The following PSMF1 variants were observed in gnomAD, a reference collection of about 807,000 sequenced individuals.
PSMF1 encodes proteasome inhibitor subunit 1, also known as proteasome inhibitor PI31 subunit.
Under a neutral mutation model 29.3 loss-of-function variants are expected in PSMF1, and 30 were observed. That is an observed-to-expected ratio of 1.02 (90% confidence interval 0.77 to 1.39). The LOEUF (loss-of-function observed/expected upper bound fraction) is 1.39. Ranked by LOEUF, PSMF1 falls within the 40% of genes most tolerant of loss-of-function variation. PSMF1 has a pLI of 0.00. For synonymous variants in PSMF1, 134 were observed against 139.7 expected (o/e 0.96, Z 0.29); for missense variants, 344 against 357.5 (o/e 0.96, Z 0.31).
rs1364548879 is a variant in PSMF1 at position 1,170,036 on chromosome 20, G to A, written c.*4956G>A. On this transcript the variant is annotated 3_prime_UTR_variant, in exon 7 of 7. Transcript: ENST00000335877. ...CCCCAATCTAGATCTCAAGGGAACG[G>A]CCTTCAGATCCATTTTTGACAAGTT... 6.6e-6 allele frequency among the ~76,000 whole-genome samples: 1 copy of A among 152,134 alleles called. No homozygotes were observed. The highest frequency in any genetic ancestry group is 2.4e-5 in the African/African-American group (1 of 41,414).
intron 4 of PSMF1, among the ~76,000 whole-genome samples, chr20:1,148,993 CT>C (rs1259204664): frequency 1.3e-5 from 2 of 152,076 alleles, no homozygotes; most frequent in Non-Finnish European, 2.9e-5. Flanking sequence ...TAACAAATTC[CT>C]GTGAAAATAT....
chr20:1,121,066 A>ACACT (rs1373482206), intron 1 of PSMF1, among the ~76,000 whole-genome samples: 1 of 152,188 alleles, frequency 6.6e-6, no homozygotes, highest in African/African-American at 2.4e-5. Flanking sequence ...ACCTTGCCAT[A>ACACT]CACTCAAGGC....
intron 1 of PSMF1, among the ~76,000 whole-genome samples, chr20:1,121,064 A>G (rs984992537): frequency 2.0e-5 from 3 of 152,176 alleles, no homozygotes; most frequent in Non-Finnish European, 4.4e-5. Flanking sequence ...CCACCTTGCC[A>G]TACACTCAAG....
At position 1,165,805 on chromosome 20, in the gene PSMF1, G is replaced by T; in HGVS notation, c.*725G>T. 2 of 1,062,384 alleles carry T rather than the reference G, an allele frequency of 1.9e-6. No homozygotes were observed. The highest frequency in any genetic ancestry group is 1.1e-6 in the Non-Finnish European group (1 of 875,580). 65.8% of individuals were successfully genotyped at this position (1,062,384 alleles called of 1,614,324 possible). A position where few individuals can be genotyped will look rare whatever the true frequency, so the allele number is the denominator to read the frequency against. On this transcript the variant is annotated 3_prime_UTR_variant, in exon 7 of 7. Coordinates refer to ENST00000335877, the MANE Select transcript of PSMF1 (RefSeq NM_006814.5). ...GGGCCAGTTTTGTAGGTCCATCTGT[G>T]CATGGGCAGCAGTAGTCAAAAAGCC...
At chr20:1,113,440 G>A (rs564704458) in intron 1 of PSMF1, 2 of 73,772 alleles carry the variant, frequency 2.7e-5, no homozygotes, top group African/African-American at 9.8e-5. Flanking sequence ...GGATGGATCA[G>A]GGGCAACACA....
intron 4 of PSMF1, among the ~76,000 whole-genome samples, chr20:1,148,168 T>C (rs2086479722): frequency 1.3e-5 from 2 of 152,178 alleles, no homozygotes; most frequent in Admixed American, 6.5e-5. Flanking sequence ...GTCAAAAGAT[T>C]CTGGGTCTGC....
intron 4 of PSMF1, among the ~76,000 whole-genome samples, chr20:1,146,501 A>G (rs572459064): frequency 8.5e-5 from 13 of 152,276 alleles, no homozygotes; most frequent in African/African-American, 3.1e-4. Flanking sequence ...GGACAGTTGG[A>G]AACCACTGAA....
chr20:1,128,341 G>T (rs956260792), intron 3 of PSMF1, among the ~76,000 whole-genome samples: 6 of 152,220 alleles, frequency 3.9e-5, no homozygotes, highest in Non-Finnish European at 8.8e-5. Context: ...AACACTACAG[G>T]ATTCTTTTTC....
At chr20:1,142,178 C>T (rs557998746) in intron 4 of PSMF1, among the ~76,000 whole-genome samples, 4 of 152,238 alleles carry the variant, frequency 2.6e-5, no homozygotes, top group East Asian at 1.9e-4. Flanking sequence ...GCTGAGATCG[C>T]GCCACACCAC....
chr20:1,139,759 G>A (rs949949167), intron 4 of PSMF1, among the ~76,000 whole-genome samples: 3 of 144,756 alleles, frequency 2.1e-5, no homozygotes, highest in Non-Finnish European at 4.5e-5. Context: ...AAAAAAAAAC[G>A]ATAAAAATCA....
At chr20:1,159,642 G>A (rs2086641720) in intron 4 of PSMF1, among the ~76,000 whole-genome samples, 1 of 152,216 alleles carries the variant, frequency 6.6e-6, no homozygotes, top group Admixed American at 6.5e-5. Flanking sequence ...ACTTCATGGA[G>A]TCAGGTAAGA....
At chr20:1,161,622 C>T in intron 4 of PSMF1, 1 of 670,406 alleles carries the variant, frequency 1.5e-6, no homozygotes, top group East Asian at 2.9e-5. Flanking sequence ...TCATTGTCCA[C>T]CTTCCAGCAG....
At chr20:1,130,368 C>T (rs939117107) in intron 3 of PSMF1, among the ~76,000 whole-genome samples, 5 of 152,170 alleles carry the variant, frequency 3.3e-5, no homozygotes, top group Non-Finnish European at 7.3e-5. Context: ...ATACTCATTG[C>T]TGTTAGGATA....
At chr20:1,132,975 T>TG (rs905703773) in intron 3 of PSMF1, among the ~76,000 whole-genome samples, 31 of 150,358 alleles carry the variant, frequency 2.1e-4, no homozygotes, top group Non-Finnish European at 3.3e-4. Flanking sequence ...TTTTGTTTTT[T>TG]TTTTTTTTTG....
Position 1,135,041 on chromosome 20 carries a change from C to T in PSMF1, c.366-80C>T, listed in dbSNP as rs543506522. ...CAGGAGCTATCAGGGCCGCCGCCGC[C>T]GCCGTCGTTGCAGCCAGAATACCAC... On this transcript the variant is annotated intron_variant, in intron 3 of 6. Transcript: ENST00000335877. 1.1e-3 allele frequency: 1,595 copies of T among 1,471,958 alleles called. 10 individuals are homozygous for T. Among genetic ancestry groups the T allele is most frequent in the Non-Finnish European group, 6.3e-4 (669 of 1,054,294 alleles). The allele number at this position is 1,471,958 out of a possible 1,614,324, so 91.2% of individuals were successfully genotyped here.
chr20:1,115,733 TC>T (rs2086004341), upstream of PSMF1, among the ~76,000 whole-genome samples: 1 of 119,158 alleles, frequency 8.4e-6, no homozygotes, highest in Non-Finnish European at 1.7e-5. Flanking sequence ...TGATCCTTAA[TC>T]CACTTTTTTT....
At chr20:1,153,101 C>T (rs1388788798) in intron 4 of PSMF1, among the ~76,000 whole-genome samples, 2 of 152,182 alleles carry the variant, frequency 1.3e-5, no homozygotes, top group Non-Finnish European at 2.9e-5. Context: ...GAGTCAGTCT[C>T]ATTATTCTTC....
At position 1,163,286 on chromosome 20, in the gene PSMF1, G is replaced by A; in HGVS notation, c.605+103G>A. On this transcript the variant is annotated intron_variant, in intron 5 of 6. Coordinates refer to ENST00000335877, the MANE Select transcript of PSMF1 (RefSeq NM_006814.5). The surrounding 1 kb of genome is among the most constrained non-coding windows in gnomAD (Gnocchi z 6.1). ...GAGTTTTCGGTCAGTCTCTTCCTTT[G>A]GGGTGGAGGAGGCAGTTGTTGCTGA... 2.3e-6 allele frequency: 3 copies of A among 1,323,360 alleles called. No homozygotes were observed. Among genetic ancestry groups the A allele is most frequent in the Non-Finnish European group, 3.2e-6 (3 of 938,546 alleles). The allele number at this position is 1,323,360 out of a possible 1,614,324, so 82.0% of individuals were successfully genotyped here.
intron 3 of PSMF1, among the ~76,000 whole-genome samples, chr20:1,129,110 A>G (rs781073256): frequency 4.6e-4 from 69 of 150,768 alleles, no homozygotes; most frequent in Non-Finnish European, 5.9e-4. Flanking sequence ...CGATCTCCTG[A>G]CCTCGTGATC....
Sources: gnomAD v4.1 joint callset for allele counts (sites outside exome capture counted in the v4.1 genomes callset) on GRCh38, gnomAD v4.1.1 for gene constraint, Gnocchi (gnomAD v3.1) non-coding constraint, MANE v1.5 for transcripts, NCBI Gene and HGNC (gene_info 2026-07-23, HGNC 2026-07-21) for gene names.